The following PRKG1 variants were observed in gnomAD, a reference collection of about 807,000 sequenced individuals.
PRKG1 encodes protein kinase cGMP-dependent 1.
Under a neutral mutation model 88.1 loss-of-function variants are expected in PRKG1, and 35 were observed. The observed-to-expected ratio is 0.40, with a 90% CI of 0.30 to 0.53. The LOEUF (loss-of-function observed/expected upper bound fraction) is 0.53. Among genes scored for constraint, PRKG1 ranks in the 20% least tolerant of loss-of-function variants. The pLI is 0.59. For synonymous variants in PRKG1, 303 were observed against 292.5 expected (o/e 1.04, Z -0.37); for missense variants, 540 against 839.8 (o/e 0.64, Z 4.41).
chr10:51,113,800 C>T (rs1037965174), intron 1 of PRKG1, among the ~76,000 whole-genome samples: 2 of 149,120 alleles, frequency 1.3e-5, no homozygotes, highest in African/African-American at 4.9e-5. Flanking sequence ...TCATTTTTGC[C>T]AAACATAACT....
rs200305378 is a variant in PRKG1, at chr10:51,174,336, T to TTTGTAACA, written c.478+21013_478+21020dup. On this transcript the variant is annotated intron_variant, in intron 2 of 17. Coordinates refer to ENST00000373980, the MANE Select transcript of PRKG1 (RefSeq NM_006258.4). ...TCATGAATGAAATATTTAGAATTCA[T>TTTGTAACA]TTGTAACATTGTAAACATTTTATAA... is the stretch of plus-strand genomic sequence containing the variant. Among the ~76,000 whole-genome samples, 111 of 151,850 alleles carry TTTGTAACA rather than the reference T, an allele frequency of 7.3e-4. 1 individual carries two copies. Among genetic ancestry groups the TTTGTAACA allele is most frequent in the African/African-American group, 2.5e-3 (103 of 41,324 alleles).
At position 52,098,149 on chromosome 10, in the gene PRKG1, T is replaced by C. The variant is rs181035552; in HGVS notation, c.935+35518T>C. ...GCATGTACTGAAAATACTCATTTAATAACTGAAGCAATAATCATTTCTATG... is the reference window on the plus strand; with the variant it reads ...GCATGTACTGAAAATACTCATTTAACAACTGAAGCAATAATCATTTCTATG... On this transcript the variant is annotated intron_variant, in intron 7 of 17. Transcript: ENST00000373980. Among the ~76,000 whole-genome samples, 111 of 152,316 alleles carry C rather than the reference T, an allele frequency of 7.3e-4. 2 individuals are homozygous for C. Among genetic ancestry groups the C allele is most frequent in the Admixed American group, 1.2e-3 (18 of 15,298 alleles).
At chr10:51,439,127 C>G (rs924526864) in intron 2 of PRKG1, among the ~76,000 whole-genome samples, 10 of 151,678 alleles carry the variant, frequency 6.6e-5, no homozygotes, top group Non-Finnish European at 1.2e-4. Context: ...GTTTCGCCCC[C>G]CCTTACGAAC....
At chr10:51,287,452 C>T (rs1210505839) in intron 2 of PRKG1, among the ~76,000 whole-genome samples, 1 of 152,198 alleles carries the variant, frequency 6.6e-6, no homozygotes, top group Non-Finnish European at 1.5e-5. Flanking sequence ...CTTCAACTCA[C>T]ATTAGGATCA....
chr10:52,025,815 T>A (rs1845321010), intron 5 of PRKG1, among the ~76,000 whole-genome samples: 1 of 151,878 alleles, frequency 6.6e-6, no homozygotes, highest in Admixed American at 6.6e-5. Flanking sequence ...TGATTCCATA[T>A]GAACTTTAAA....
chr10:52,149,548 G>A (rs1350461475), intron 8 of PRKG1, among the ~76,000 whole-genome samples: 1 of 152,078 alleles, frequency 6.6e-6, no homozygotes, highest in Non-Finnish European at 1.5e-5. Flanking sequence ...GTCCTTGGAA[G>A]CCAGGAAAAG....
chr10:52,164,249 C>T (rs949461435), intron 9 of PRKG1, among the ~76,000 whole-genome samples: 1 of 151,688 alleles, frequency 6.6e-6, no homozygotes, highest in African/African-American at 2.4e-5. Context: ...TACTCAGGAG[C>T]CTGAGGCAGG....
intron 1 of PRKG1, among the ~76,000 whole-genome samples, chr10:51,033,351 T>C (rs1843311331): frequency 6.6e-6 from 1 of 152,170 alleles, no homozygotes; most frequent in Admixed American, 6.5e-5. Flanking sequence ...ATTACCCTAA[T>C]CTATCTTTCT....
chr10:51,921,330 C>G (rs1842458368), intron 5 of PRKG1, among the ~76,000 whole-genome samples: 1 of 152,072 alleles, frequency 6.6e-6, no homozygotes, highest in African/African-American at 2.4e-5. Flanking sequence ...TTGGAATTCT[C>G]TACAATAACA....
chr10:51,574,390 A>G (rs551987946), intron 3 of PRKG1, among the ~76,000 whole-genome samples: 1 of 151,944 alleles, frequency 6.6e-6, no homozygotes, highest in Non-Finnish European at 1.5e-5. Flanking sequence ...TTATCATTTT[A>G]AAAATTGAAA....
chr10:51,649,928 G>T (rs1005246541), intron 3 of PRKG1, among the ~76,000 whole-genome samples: 1 of 152,126 alleles, frequency 6.6e-6, no homozygotes. Flanking sequence ...CATCTGATTG[G>T]TTGCAAAACA....
At position 51,863,299 on chromosome 10, in the gene PRKG1, G is replaced by T. The variant is rs140561356; in HGVS notation, c.699-44208G>T. Among the ~76,000 whole-genome samples the T allele has an allele frequency of 5.4e-3, 827 of 152,282 alleles. 7 individuals are homozygous for T. Among genetic ancestry groups the T allele is most frequent in the African/African-American group, 0.019 (783 of 41,564 alleles). ...TTGCCCAGCAAGAATGGACCACAGT[G>T]AGATTCTTAAGCAATCTCTATCTTG... On this transcript the variant is annotated intron_variant, in intron 4 of 17. Coordinates refer to ENST00000373980, the MANE Select transcript of PRKG1 (RefSeq NM_006258.4).
intron 2 of PRKG1, among the ~76,000 whole-genome samples, chr10:51,353,348 A>C (rs1399574392): frequency 6.6e-6 from 1 of 152,122 alleles, no homozygotes; most frequent in Non-Finnish European, 1.5e-5. Flanking sequence ...ACAATTAACA[A>C]AGTCAGGATA....
chr10:52,057,706 T>TA (rs1450118611), intron 6 of PRKG1, among the ~76,000 whole-genome samples: 2 of 152,166 alleles, frequency 1.3e-5, no homozygotes, highest in Non-Finnish European at 2.9e-5. Flanking sequence ...AAATGGCATT[T>TA]AAAATCACAT....
intron 3 of PRKG1, among the ~76,000 whole-genome samples, chr10:51,549,044 G>C (rs138747745): frequency 6.6e-6 from 1 of 151,466 alleles, no homozygotes; most frequent in African/African-American, 2.4e-5. Context: ...TCATGTTATA[G>C]GTGGTTCTTT....
intron 2 of PRKG1, among the ~76,000 whole-genome samples, chr10:51,212,157 T>C (rs1838239243): frequency 6.6e-6 from 1 of 151,846 alleles, no homozygotes; most frequent in Non-Finnish European, 1.5e-5. Context: ...TCAGAAATAA[T>C]GCCGCATATC....
At chr10:50,995,031 C>T (rs1450935699) in intron 1 of PRKG1, among the ~76,000 whole-genome samples, 2 of 152,220 alleles carry the variant, frequency 1.3e-5, no homozygotes, top group East Asian at 3.9e-4. Flanking sequence ...ATTTTGGTAT[C>T]CTCGGAGGTC....
intron 3 of PRKG1, among the ~76,000 whole-genome samples, chr10:51,729,823 TG>T (rs1351097605): frequency 1.3e-5 from 2 of 149,948 alleles, no homozygotes; most frequent in African/African-American, 2.5e-5. Flanking sequence ...TGTTTTCAAA[TG>T]CACTTATACC....
intron 1 of PRKG1, among the ~76,000 whole-genome samples, chr10:51,116,273 T>C (rs1485745965): frequency 6.6e-6 from 1 of 152,146 alleles, no homozygotes; most frequent in Admixed American, 6.5e-5. Flanking sequence ...ATTTCAACCA[T>C]GCATTTCCTG....
Sources: gnomAD v4.1 joint callset for allele counts (sites outside exome capture counted in the v4.1 genomes callset) on GRCh38, gnomAD v4.1.1 for gene constraint, MANE v1.5 for transcripts, NCBI Gene and HGNC (gene_info 2026-07-23, HGNC 2026-07-21) for gene names.